DCC: variants seen among roughly 807,000 people sequenced by gnomAD.
The protein encoded by DCC is DCC netrin 1 receptor, also known as netrin receptor DCC.
DCC carries 58 observed loss-of-function variants against 172.5 expected under a neutral mutation model. The observed-to-expected ratio is 0.34, with a 90% CI of 0.27 to 0.42. The LOEUF (loss-of-function observed/expected upper bound fraction) is 0.42. DCC is among the 10% of genes least tolerant of loss of function. The pLI is 1.00. For synonymous variants in DCC, 709 were observed against 644.5 expected, an observed-to-expected ratio of 1.10 and a Z score of -1.52; for missense variants, 1,740 against 1,791.0, an observed-to-expected ratio of 0.97 and a Z score of 0.51.
chr18:53,473,854 A>G (rs2045728396), intron 25 of DCC, among the ~76,000 whole-genome samples: 1 of 152,176 alleles, frequency 6.6e-6, no homozygotes, highest in Non-Finnish European at 1.5e-5. Context: ...ATGGAAGCTG[A>G]GGCTCTGAGA....
intron 3 of DCC, among the ~76,000 whole-genome samples, chr18:52,919,119 C>A (rs1032125707): frequency 6.6e-6 from 1 of 152,144 alleles, no homozygotes; most frequent in Admixed American, 6.6e-5. Flanking sequence ...CTCCACGTGA[C>A]TTTCTGTCTT....
chr18:52,675,251 A>T (rs2035628203), intron 1 of DCC, among the ~76,000 whole-genome samples: 1 of 151,952 alleles, frequency 6.6e-6, no homozygotes, highest in Non-Finnish European at 1.5e-5. Flanking sequence ...TAGAGACTAA[A>T]ATTTCACCAT....
chr18:52,929,019 T>C (rs1041777352), intron 5 of DCC, among the ~76,000 whole-genome samples: 1 of 152,090 alleles, frequency 6.6e-6, no homozygotes, highest in African/African-American at 2.4e-5. Context: ...CATTAAGTTA[T>C]CTGTCATGTA....
chr18:53,396,840 A>C (rs1259045470), intron 17 of DCC, among the ~76,000 whole-genome samples: 2 of 152,198 alleles, frequency 1.3e-5, no homozygotes, highest in African/African-American at 2.4e-5. Flanking sequence ...TAAATGAATT[A>C]AGTTCAATGC....
chr18:52,580,942 C>G (rs2033529910), intron 1 of DCC, among the ~76,000 whole-genome samples: 1 of 152,038 alleles, frequency 6.6e-6, no homozygotes, highest in South Asian at 2.1e-4. Flanking sequence ...TTTAAATACT[C>G]CAGATTTTTC....
At chr18:52,975,432 GGTT>G (rs1163526864) in intron 5 of DCC, among the ~76,000 whole-genome samples, 1 of 152,040 alleles carries the variant, frequency 6.6e-6, no homozygotes, top group African/African-American at 2.4e-5. Context: ...TGTCATGGGG[GGTT>G]GTTGTACTGA....
intron 1 of DCC, among the ~76,000 whole-genome samples, chr18:52,707,565 C>T (rs1430807747): frequency 6.6e-6 from 1 of 152,158 alleles, no homozygotes; most frequent in African/African-American, 2.4e-5. Context: ...TCTGCAGTTC[C>T]ATGTTCATTC....
At chr18:52,973,974 T>G (rs1243665604) in intron 5 of DCC, among the ~76,000 whole-genome samples, 1 of 152,122 alleles carries the variant, frequency 6.6e-6, no homozygotes, top group Non-Finnish European at 1.5e-5. Flanking sequence ...GGCGGAGGTG[T>G]GTGTGTTTAA....
intron 3 of DCC, among the ~76,000 whole-genome samples, chr18:52,916,466 T>TGAG (rs1160677581): frequency 2.0e-5 from 3 of 152,218 alleles, no homozygotes; most frequent in Non-Finnish European, 2.9e-5. Context: ...GGATTGGTGG[T>TGAG]GAGAGTAGCA....
intron 1 of DCC, among the ~76,000 whole-genome samples, chr18:52,728,762 G>A (rs750470949): frequency 3.3e-5 from 5 of 152,288 alleles, no homozygotes; most frequent in East Asian, 1.9e-4. Context: ...GAGGGCCTAC[G>A]GATGAATGAG....
chr18:52,755,574 A>T (rs1197660478), intron 2 of DCC, among the ~76,000 whole-genome samples: 1 of 152,188 alleles, frequency 6.6e-6, no homozygotes, highest in African/African-American at 2.4e-5. Flanking sequence ...TGCTGAGGTT[A>T]AGATTGCCAA....
intron 1 of DCC, among the ~76,000 whole-genome samples, chr18:52,540,891 C>G (rs1162160645): frequency 1.3e-5 from 2 of 152,094 alleles, no homozygotes; most frequent in South Asian, 2.1e-4. Flanking sequence ...CAGGCATGAG[C>G]CACCGCGCCC....
At chr18:52,996,441 T>C (rs901015002) in intron 5 of DCC, among the ~76,000 whole-genome samples, 1 of 151,962 alleles carries the variant, frequency 6.6e-6, no homozygotes, top group African/African-American at 2.4e-5. Context: ...TTTGGATATA[T>C]TTATCAACAC....
At position 53,091,133 on chromosome 18, in the gene DCC, G is replaced by A. The variant is rs182832107; in HGVS notation, c.1261+24967G>A. 3.2e-3 allele frequency among the ~76,000 whole-genome samples: 488 copies of A among 152,070 alleles called. 1 individual carries two copies. Among genetic ancestry groups the A allele is most frequent in the Non-Finnish European group, 4.3e-3 (290 of 68,000 alleles). On this transcript the variant is annotated intron_variant, in intron 7 of 28. Transcript: ENST00000442544. ...AATAAAACAGAAAACGGCTATCTTA[G>A]AGAATACATGGTAAGCTGAAGAACG...
At chr18:52,697,704 A>G (rs1599027234) in intron 1 of DCC, among the ~76,000 whole-genome samples, 1 of 152,368 alleles carries the variant, frequency 6.6e-6, no homozygotes, top group Middle Eastern at 3.4e-3. Context: ...AGACATAGAT[A>G]TAAGTGCATT....
At chr18:53,197,076 G>A (rs760453504) in intron 9 of DCC, among the ~76,000 whole-genome samples, 2 of 151,990 alleles carry the variant, frequency 1.3e-5, no homozygotes, top group African/African-American at 4.8e-5. Flanking sequence ...AATCAAAGAG[G>A]CAATCAAAGC....
At chr18:53,260,599 G>A (rs909084075) in intron 12 of DCC, among the ~76,000 whole-genome samples, 1 of 152,168 alleles carries the variant, frequency 6.6e-6, no homozygotes, top group Non-Finnish European at 1.5e-5. Flanking sequence ...TGTGTGAGGT[G>A]TCAGTCTGCC....
At chr18:53,164,218 C>T (rs2054883830) in intron 8 of DCC, among the ~76,000 whole-genome samples, 1 of 152,116 alleles carries the variant, frequency 6.6e-6, no homozygotes, top group Non-Finnish European at 1.5e-5. Flanking sequence ...TTATTTACCA[C>T]TAATAAAACA....
chr18:53,420,895 G>A (rs915332163), intron 21 of DCC, among the ~76,000 whole-genome samples: 4 of 152,094 alleles, frequency 2.6e-5, no homozygotes, highest in African/African-American at 9.7e-5. Flanking sequence ...TTTTACCCAG[G>A]ATCACAGAAT....
Sources: allele counts gnomAD v4.1 joint callset (sites outside exome capture counted in the v4.1 genomes callset), GRCh38; gene constraint gnomAD v4.1.1; transcripts MANE v1.5; gene names NCBI Gene and HGNC (gene_info 2026-07-23, HGNC 2026-07-21).